Variants in ZNF385D observed in about 807,000 individuals in gnomAD.
The protein encoded by ZNF385D is zinc finger protein 385D, also known as zinc finger protein 659.
A neutral mutation model predicts 35.8 loss-of-function variants in ZNF385D; 15 were observed. The ratio of observed to expected loss-of-function variants is 0.42; its 90% confidence interval spans 0.28 to 0.64. The LOEUF (loss-of-function observed/expected upper bound fraction) is 0.64. Among genes scored for constraint, ZNF385D ranks in the 30% least tolerant of loss-of-function variants. The probability of loss-of-function intolerance (pLI) is 0.23; values close to 1 mark genes in which losing one functional copy is unlikely to be tolerated. For missense variants in ZNF385D, 474 were observed against 494.6 expected (o/e 0.96, Z 0.39); for synonymous variants, 212 against 186.8 (o/e 1.13, Z -1.10).
chr3:21,525,234 A>C (rs1253299343), intron 3 of ZNF385D, among the ~76,000 whole-genome samples: 1 of 152,176 alleles, frequency 6.6e-6, no homozygotes, highest in Non-Finnish European at 1.5e-5. Context: ...CAATATTTTC[A>C]GATATTAATT....
intron 2 of ZNF385D, among the ~76,000 whole-genome samples, chr3:22,300,356 C>A (rs1188548760): frequency 6.7e-6 from 1 of 149,220 alleles, no homozygotes; most frequent in Non-Finnish European, 1.5e-5. Context: ...AACAGGGGTA[C>A]AATTTCCTGA....
At chr3:21,604,331 A>G (rs969409520) in intron 2 of ZNF385D, among the ~76,000 whole-genome samples, 9 of 152,220 alleles carry the variant, frequency 5.9e-5, no homozygotes, top group African/African-American at 1.9e-4. Flanking sequence ...ATTGACTGCC[A>G]ATGTGAAGAA....
At chr3:21,514,503 C>T (rs1220180904) in intron 3 of ZNF385D, among the ~76,000 whole-genome samples, 5 of 152,166 alleles carry the variant, frequency 3.3e-5, no homozygotes, top group Middle Eastern at 6.8e-3. Flanking sequence ...TAAACTGTAA[C>T]GTAACTTGAT....
At chr3:22,224,622 G>A (rs1698448095) in intron 2 of ZNF385D, among the ~76,000 whole-genome samples, 3 of 152,182 alleles carry the variant, frequency 2.0e-5, no homozygotes, top group African/African-American at 7.2e-5. Flanking sequence ...GGGAACCCAA[G>A]GAAACACTAT....
intron 3 of ZNF385D, among the ~76,000 whole-genome samples, chr3:21,807,460 A>G (rs1180270660): frequency 6.6e-6 from 1 of 152,138 alleles, no homozygotes; most frequent in Non-Finnish European, 1.5e-5. Context: ...GCCAAGTTTA[A>G]AAGTAAAGAG....
At chr3:21,442,255 GA>G (rs1314966811) in intron 4 of ZNF385D, among the ~76,000 whole-genome samples, 2 of 152,102 alleles carry the variant, frequency 1.3e-5, no homozygotes, top group African/African-American at 4.8e-5. Context: ...AACTGAAGTG[GA>G]AAAACCATAG....
intron 3 of ZNF385D, among the ~76,000 whole-genome samples, chr3:21,884,068 G>A (rs1211880149): frequency 1.3e-5 from 2 of 151,988 alleles, no homozygotes; most frequent in African/African-American, 4.8e-5. Context: ...AATGCGGATG[G>A]TTTGCAAAGA....
chr3:22,296,623 A>T (rs770765959), intron 2 of ZNF385D, among the ~76,000 whole-genome samples: 10 of 152,144 alleles, frequency 6.6e-5, no homozygotes, highest in Non-Finnish European at 1.2e-4. Context: ...TTGAACACTG[A>T]GTTAGATACT....
chr3:21,983,081 G>A (rs550624655), intron 3 of ZNF385D, among the ~76,000 whole-genome samples: 1 of 151,618 alleles, frequency 6.6e-6, no homozygotes, highest in Non-Finnish European at 1.5e-5. Flanking sequence ...CCAGGTTTGG[G>A]TATCAAGATG....
At chr3:22,034,586 A>G (rs926146649) in intron 3 of ZNF385D, among the ~76,000 whole-genome samples, 11 of 152,218 alleles carry the variant, frequency 7.2e-5, no homozygotes, top group African/African-American at 2.7e-4. Context: ...ATGTATTAAT[A>G]TCATATATTT....
At chr3:22,144,970 C>G (rs1360522861) in intron 3 of ZNF385D, among the ~76,000 whole-genome samples, 1 of 151,116 alleles carries the variant, frequency 6.6e-6, no homozygotes, top group African/African-American at 2.4e-5. Flanking sequence ...TAATCATAAT[C>G]AAGACAGAGC....
intron 3 of ZNF385D, among the ~76,000 whole-genome samples, chr3:21,887,495 CTTTG>C (rs1466241234): frequency 1.3e-5 from 2 of 152,076 alleles, no homozygotes; most frequent in African/African-American, 2.4e-5. Flanking sequence ...AAAAATAACA[CTTTG>C]TTTTAGTTTT....
chr3:22,206,939 CA>C (rs1396886256), intron 2 of ZNF385D, among the ~76,000 whole-genome samples: 11 of 151,398 alleles, frequency 7.3e-5, no homozygotes, highest in Non-Finnish European at 8.9e-5. Flanking sequence ...GAAATTGAAA[CA>C]AAAAATACCG....
intron 3 of ZNF385D, among the ~76,000 whole-genome samples, chr3:22,138,170 T>C (rs1463947781): frequency 2.6e-5 from 4 of 151,826 alleles, no homozygotes; most frequent in Non-Finnish European, 4.4e-5. Context: ...TAAAAGAGGA[T>C]ACAAACAAAT....
At chr3:22,328,065 C>A (rs1450407575) in intron 2 of ZNF385D, among the ~76,000 whole-genome samples, 1 of 151,960 alleles carries the variant, frequency 6.6e-6, no homozygotes, top group Admixed American at 6.6e-5. Context: ...TTACATATGT[C>A]TTTTATTTAG....
At chr3:22,102,831 G>T (rs1464350831) in intron 3 of ZNF385D, among the ~76,000 whole-genome samples, 1 of 150,502 alleles carries the variant, frequency 6.6e-6, no homozygotes, top group Non-Finnish European at 1.5e-5. Flanking sequence ...CTCATTACTA[G>T]CATTGGGGCC....
intron 2 of ZNF385D, among the ~76,000 whole-genome samples, chr3:22,247,810 G>A (rs568215990): frequency 8.7e-4 from 132 of 151,890 alleles, no homozygotes; most frequent in African/African-American, 3.1e-3. Context: ...TCACCATGTT[G>A]GCCAGGATGG....
intron 3 of ZNF385D, among the ~76,000 whole-genome samples, chr3:22,030,285 A>ATATATATATATATATATATATATGTATG (rs1697896166): frequency 5.8e-5 from 5 of 86,738 alleles, no homozygotes; most frequent in East Asian, 8.5e-4. Flanking sequence ...ATATATATAT[A>ATATATATATATATATATATATATGTATG]TATATATATA....
chr3:21,819,190 A>G (rs981195262), intron 3 of ZNF385D, among the ~76,000 whole-genome samples: 15 of 151,966 alleles, frequency 9.9e-5, no homozygotes, highest in Non-Finnish European at 1.5e-4. Flanking sequence ...CAAAAATAGA[A>G]AAGAAAAAAG....
Sources: allele counts gnomAD v4.1 joint callset (sites outside exome capture counted in the v4.1 genomes callset), GRCh38; gene constraint gnomAD v4.1.1; transcripts MANE v1.5; gene names NCBI Gene and HGNC (gene_info 2026-07-23, HGNC 2026-07-21).